The following LRRC4C variants were observed in gnomAD, a reference collection of about 807,000 sequenced individuals.
The protein encoded by LRRC4C is leucine rich repeat containing 4C, also known as leucine-rich repeat-containing protein 4C.
LRRC4C carries 5 observed loss-of-function variants against 33.6 expected under a neutral mutation model. That is an observed-to-expected ratio of 0.15 (90% CI 0.08 to 0.31). The LOEUF (loss-of-function observed/expected upper bound fraction) is 0.31. LRRC4C is among the 10% of genes least tolerant of loss of function. LRRC4C has a pLI of 1.00. For synonymous variants in LRRC4C, 329 were observed against 302.0 expected, an observed-to-expected ratio of 1.09 and a Z score of -0.93; for missense variants, 560 against 796.7, an observed-to-expected ratio of 0.70 and a Z score of 3.58.
chr11:40,248,964 T>C (rs1166564339), intron 4 of LRRC4C, among the ~76,000 whole-genome samples: 3 of 152,168 alleles, frequency 2.0e-5, no homozygotes, highest in African/African-American at 7.2e-5. Flanking sequence ...GACTGCTTTT[T>C]TTCATCCTAA....
intron 2 of LRRC4C, among the ~76,000 whole-genome samples, chr11:40,868,167 G>A (rs1049753693): frequency 6.6e-6 from 1 of 152,084 alleles, no homozygotes; most frequent in Non-Finnish European, 1.5e-5. Context: ...CATTGGAATG[G>A]CTGGGGGATG....
intron 5 of LRRC4C, among the ~76,000 whole-genome samples, chr11:40,185,634 T>A (rs1861345384): frequency 6.6e-6 from 1 of 152,188 alleles, no homozygotes; most frequent in Admixed American, 6.5e-5. Context: ...TTTTAAATAT[T>A]TTATATTAAA....
At chr11:40,656,976 G>T (rs779803918) in intron 2 of LRRC4C, among the ~76,000 whole-genome samples, 1 of 152,052 alleles carries the variant, frequency 6.6e-6, no homozygotes, top group Admixed American at 6.6e-5. Flanking sequence ...TCCTGCTTTT[G>T]TTCATTTTAA....
intron 2 of LRRC4C, among the ~76,000 whole-genome samples, chr11:40,735,814 G>T (rs1394591422): frequency 6.6e-6 from 1 of 150,380 alleles, no homozygotes; most frequent in Admixed American, 6.7e-5. Flanking sequence ...ATCCTCTCCA[G>T]CACCTGTTGT....
intron 1 of LRRC4C, among the ~76,000 whole-genome samples, chr11:41,079,830 G>T (rs1939430946): frequency 1.3e-5 from 2 of 152,112 alleles, no homozygotes. Context: ...TGTGCTTTGT[G>T]TGTGGCCCAA....
chr11:41,316,262 C>CAAAAAA (rs60671406), intron 1 of LRRC4C, among the ~76,000 whole-genome samples: 1,561 of 77,668 alleles, frequency 0.02, 97 homozygotes, highest in East Asian at 0.079. Context: ...CTCTGGATGG[C>CAAAAAA]AAAAAAAAAA....
intron 2 of LRRC4C, among the ~76,000 whole-genome samples, chr11:40,734,969 G>A (rs2136832769): frequency 6.6e-6 from 1 of 152,022 alleles, no homozygotes; most frequent in Admixed American, 6.5e-5. Flanking sequence ...AAAAAAAGGA[G>A]AGAAAAAAAT....
At chr11:40,181,250 G>A (rs1860976272) in intron 5 of LRRC4C, among the ~76,000 whole-genome samples, 1 of 151,764 alleles carries the variant, frequency 6.6e-6, no homozygotes, top group South Asian at 2.1e-4. Context: ...TCCCATTTGA[G>A]TACCATGCAT....
intron 6 of LRRC4C, among the ~76,000 whole-genome samples, chr11:40,128,558 T>C (rs1856424917): frequency 6.6e-6 from 1 of 152,204 alleles, no homozygotes; most frequent in African/African-American, 2.4e-5. Flanking sequence ...ATGCTATTCT[T>C]TTAGTTGAAA....
At chr11:40,343,179 C>A (rs1169060050) in intron 3 of LRRC4C, among the ~76,000 whole-genome samples, 1 of 152,066 alleles carries the variant, frequency 6.6e-6, no homozygotes, top group Non-Finnish European at 1.5e-5. Flanking sequence ...TCAGCTTATA[C>A]ATATACTTTG....
intron 1 of LRRC4C, among the ~76,000 whole-genome samples, chr11:41,369,579 G>A (rs1412815980): frequency 6.6e-6 from 1 of 151,958 alleles, no homozygotes; most frequent in Admixed American, 6.6e-5. Flanking sequence ...AATCAGATGA[G>A]AGCATGAGCT....
At chr11:41,134,869 C>A (rs1300268502) in intron 1 of LRRC4C, among the ~76,000 whole-genome samples, 2 of 152,098 alleles carry the variant, frequency 1.3e-5, no homozygotes, top group Non-Finnish European at 2.9e-5. Flanking sequence ...AAAGAAAGAT[C>A]CCCCACCCAA....
chr11:40,593,794 T>C (rs1287294858), intron 3 of LRRC4C, among the ~76,000 whole-genome samples: 3 of 152,242 alleles, frequency 2.0e-5, no homozygotes, highest in African/African-American at 7.2e-5. Flanking sequence ...AACTCTTTTT[T>C]CCACATTTTT....
chr11:40,442,237 A>G (rs2137977651), intron 3 of LRRC4C, among the ~76,000 whole-genome samples: 1 of 151,954 alleles, frequency 6.6e-6, no homozygotes, highest in South Asian at 2.1e-4. Context: ...ACAAAAGTAT[A>G]AAGTGTCTCA....
At chr11:41,402,736 T>C (rs1369288429) in intron 1 of LRRC4C, among the ~76,000 whole-genome samples, 1 of 151,826 alleles carries the variant, frequency 6.6e-6, no homozygotes, top group Non-Finnish European at 1.5e-5. Flanking sequence ...ACAGAGTAAA[T>C]ACCAAGAAAC....
chr11:41,416,691 A>T (rs996777470), intron 1 of LRRC4C, among the ~76,000 whole-genome samples: 1 of 152,082 alleles, frequency 6.6e-6, no homozygotes, highest in African/African-American at 2.4e-5. Context: ...AAGGGACTTT[A>T]CTAAAGTGAA....
chr11:41,233,023 A>G (rs1160523788), intron 1 of LRRC4C, among the ~76,000 whole-genome samples: 1 of 152,118 alleles, frequency 6.6e-6, no homozygotes, highest in Non-Finnish European at 1.5e-5. Flanking sequence ...GACTACATTG[A>G]CAACGTGTCC....
chr11:41,429,538 A>T (rs112147270), intron 1 of LRRC4C, among the ~76,000 whole-genome samples: 47 of 152,296 alleles, frequency 3.1e-4, no homozygotes, highest in Admixed American at 3.9e-4. Flanking sequence ...ATCACAGTTT[A>T]TAGGCAGGTC....
chr11:40,321,017 T>C (rs2136852236), intron 3 of LRRC4C, among the ~76,000 whole-genome samples: 1 of 152,292 alleles, frequency 6.6e-6, no homozygotes, highest in South Asian at 2.1e-4. Flanking sequence ...TTTAGTACAA[T>C]TTTATTTTTA....
Sources: allele counts gnomAD v4.1 joint callset (sites outside exome capture counted in the v4.1 genomes callset), GRCh38; gene constraint gnomAD v4.1.1; transcripts MANE v1.5; gene names NCBI Gene and HGNC (gene_info 2026-07-23, HGNC 2026-07-21).